The following MCUB variants were observed in gnomAD, a reference collection of about 807,000 sequenced individuals.
MCUB encodes the protein mitochondrial calcium uniporter dominant negative subunit beta.
In MCUB, 46 loss-of-function variants were observed where a neutral mutation model predicts 41.4. That is an observed-to-expected ratio of 1.11 (90% CI 0.88 to 1.42). MCUB has a LOEUF of 1.42. Ranked by LOEUF, MCUB falls within the 40% of genes most tolerant of loss-of-function variation. The probability of loss-of-function intolerance (pLI) is 0.00; values close to 1 mark genes in which losing one functional copy is unlikely to be tolerated. For synonymous variants in MCUB, 148 were observed against 148.2 expected (o/e 1.00, Z 0.01); for missense variants, 403 against 404.9 (o/e 1.00, Z 0.04).
intron 7 of MCUB, 130 bp downstream of exon 7, chr4:109,685,497 C>G (rs1186653438): frequency 2.0e-6 from 1 of 496,584 alleles, no homozygotes; most frequent in Non-Finnish European, 3.6e-6. Context: ...TGGGATTGTT[C>G]ATTGAAATGG....
At chr4:109,589,544 T>G (rs2126128303) in intron 1 of MCUB, among the ~76,000 whole-genome samples, 1 of 152,326 alleles carries the variant, frequency 6.6e-6, no homozygotes, top group Admixed American at 6.5e-5. Context: ...TCGTTTTACT[T>G]GCCATCCTCC....
At chr4:109,600,919 C>G (rs1025127131) in intron 1 of MCUB, among the ~76,000 whole-genome samples, 1 of 151,992 alleles carries the variant, frequency 6.6e-6, no homozygotes, top group Non-Finnish European at 1.5e-5. Context: ...CATAGCCTCC[C>G]GAATGGCTAG....
intron 1 of MCUB, among the ~76,000 whole-genome samples, chr4:109,598,958 A>G (rs1727658947): frequency 6.6e-6 from 1 of 152,248 alleles, no homozygotes; most frequent in African/African-American, 2.4e-5. Context: ...TAAATAGGCT[A>G]GGCATTAATC....
intron 1 of MCUB, among the ~76,000 whole-genome samples, chr4:109,618,967 TC>T (rs1728187412): frequency 6.7e-6 from 1 of 150,280 alleles, no homozygotes; most frequent in African/African-American, 2.5e-5. Flanking sequence ...TCTCTCTCTC[TC>T]TCTCTCTCTC....
At chr4:109,560,766 G>T (rs985439270) in intron 1 of MCUB, among the ~76,000 whole-genome samples, 3 of 152,262 alleles carry the variant, frequency 2.0e-5, no homozygotes, top group Admixed American at 6.5e-5. Flanking sequence ...CAGTTTCTGG[G>T]CTGCAGCTCT....
intron 4 of MCUB, among the ~76,000 whole-genome samples, chr4:109,665,639 G>A (rs1299227330): frequency 2.0e-5 from 3 of 152,066 alleles, no homozygotes; most frequent in Non-Finnish European, 4.4e-5. Context: ...GTAAATGGTT[G>A]TTATACTATA....
intron 4 of MCUB, among the ~76,000 whole-genome samples, chr4:109,677,745 T>A (rs1729603994): frequency 6.6e-6 from 1 of 151,728 alleles, no homozygotes; most frequent in African/African-American, 2.4e-5. Flanking sequence ...TGCTGGTGCA[T>A]TGATCTTGGA....
Position 109,663,700 on chromosome 4 carries a change from G to C in MCUB, c.347-590G>C, listed in dbSNP as rs116033651. On this transcript the variant is annotated intron_variant, in intron 3 of 7. Coordinates refer to ENST00000394650, the MANE Select transcript of MCUB (RefSeq NM_017918.5). ...ATAATTAAAAATAAGAGAAAGGCAG[G>C]GTTTTTAAATAGTTATACCCTTATG... Among the ~76,000 whole-genome samples, 968 of 152,160 alleles carry C rather than the reference G, an allele frequency of 6.4e-3. 12 individuals are homozygous for C. The highest frequency in any genetic ancestry group is 0.022 in the African/African-American group (922 of 41,506).
At position 109,591,651 on chromosome 4, in the gene MCUB, G is replaced by A. The variant is rs141243513; in HGVS notation, c.99+31215G>A. On this transcript the variant is annotated intron_variant, in intron 1 of 7. Coordinates refer to ENST00000394650, the MANE Select transcript of MCUB (RefSeq NM_017918.5). ...GTTGCATTGACTACATCAATAACTA[G>A]AGAGAGAATTTTTGAGTTGTTTCTC... Among the ~76,000 whole-genome samples the A allele has an allele frequency of 4.2e-3, 639 of 152,274 alleles. 5 individuals are homozygous for A. The highest frequency in any genetic ancestry group is 7.9e-3 in the Non-Finnish European group (539 of 68,000).
intron 1 of MCUB, among the ~76,000 whole-genome samples, chr4:109,619,093 G>A (rs1728197474): frequency 6.6e-6 from 1 of 150,970 alleles, no homozygotes; most frequent in Non-Finnish European, 1.5e-5. Context: ...TTGAGATGGA[G>A]TCTTGCTCTG....
chr4:109,598,667 C>A (rs1223846362), intron 1 of MCUB, among the ~76,000 whole-genome samples: 1 of 152,084 alleles, frequency 6.6e-6, no homozygotes, highest in Admixed American at 6.5e-5. Context: ...TTCCCAAATT[C>A]TCTTTCAATT....
chr4:109,564,360 G>A (rs966613430), intron 1 of MCUB, among the ~76,000 whole-genome samples: 5 of 151,440 alleles, frequency 3.3e-5, no homozygotes, highest in Non-Finnish European at 5.9e-5. Context: ...AGATGGTCTC[G>A]ATCTCCTGAC....
At chr4:109,670,959 T>G (rs758247904) in intron 4 of MCUB, among the ~76,000 whole-genome samples, 1 of 152,186 alleles carries the variant, frequency 6.6e-6, no homozygotes, top group Non-Finnish European at 1.5e-5. Flanking sequence ...TCAGTTACAG[T>G]TCAGGTTTTC....
chr4:109,623,791 A>G (rs968685439), intron 1 of MCUB, among the ~76,000 whole-genome samples: 3 of 152,202 alleles, frequency 2.0e-5, no homozygotes, highest in Non-Finnish European at 4.4e-5. Context: ...CTGGCTTTTG[A>G]ACTGTTTTCT....
chr4:109,652,768 G>A (rs1273436150), intron 1 of MCUB, among the ~76,000 whole-genome samples: 4 of 152,180 alleles, frequency 2.6e-5, no homozygotes, highest in Admixed American at 2.6e-4. Flanking sequence ...TCAAATCACA[G>A]CAAGCCTGAA....
chr4:109,621,352 T>C (rs1355121173), intron 1 of MCUB, among the ~76,000 whole-genome samples: 2 of 152,216 alleles, frequency 1.3e-5, no homozygotes, highest in Non-Finnish European at 2.9e-5. Flanking sequence ...TTTAGTTGAT[T>C]CTATAACTGT....
intron 4 of MCUB, among the ~76,000 whole-genome samples, chr4:109,679,615 G>A (rs1238993235): frequency 6.6e-6 from 1 of 152,202 alleles, no homozygotes; most frequent in African/African-American, 2.4e-5. Flanking sequence ...GAGGGAGACT[G>A]GGAGACCGTA....
At chr4:109,675,564 T>C (rs897921436) in intron 4 of MCUB, among the ~76,000 whole-genome samples, 1 of 152,208 alleles carries the variant, frequency 6.6e-6, no homozygotes, top group Non-Finnish European at 1.5e-5. Context: ...AGCCAAAACC[T>C]GGTGATAGGT....
At chr4:109,678,262 A>G (rs1729618125) in intron 4 of MCUB, among the ~76,000 whole-genome samples, 1 of 151,126 alleles carries the variant, frequency 6.6e-6, no homozygotes, top group Non-Finnish European at 1.5e-5. Context: ...TCTTTTCCCC[A>G]CATTTCCCCC....
Sources: gnomAD v4.1 joint callset for allele counts (sites outside exome capture counted in the v4.1 genomes callset) on GRCh38, gnomAD v4.1.1 for gene constraint, MANE v1.5 for transcripts, NCBI Gene and HGNC (gene_info 2026-07-23, HGNC 2026-07-21) for gene names.